COL21A1: variants seen among roughly 807,000 people sequenced by gnomAD.
The protein encoded by COL21A1 is collagen alpha-1(XXI) chain.
In COL21A1, 149 loss-of-function variants were observed where a neutral mutation model predicts 137.9. The ratio of observed to expected loss-of-function variants is 1.08; its 90% CI spans 0.95 to 1.24. COL21A1 has a LOEUF of 1.24. Ranked by LOEUF, COL21A1 falls within the 50% of genes most tolerant of loss-of-function variation. COL21A1 has a pLI of 0.00. For missense variants in COL21A1, 1,167 were observed against 1,158.4 expected, an observed-to-expected ratio of 1.01 and a Z score of -0.11; for synonymous variants, 456 against 391.5, an observed-to-expected ratio of 1.16 and a Z score of -1.95.
chr6:56,391,970 C>T (rs1354841026), intron 1 of COL21A1, among the ~76,000 whole-genome samples: 1 of 152,066 alleles, frequency 6.6e-6, no homozygotes, highest in Non-Finnish European at 1.5e-5. Context: ...AACTATTCCC[C>T]AAAATCAGGA....
At chr6:56,367,195 T>C (rs1766120601) in intron 1 of COL21A1, among the ~76,000 whole-genome samples, 1 of 152,234 alleles carries the variant, frequency 6.6e-6, no homozygotes, top group African/African-American at 2.4e-5. Context: ...ATATATAATA[T>C]ATGGGAAATC....
intron 1 of COL21A1, among the ~76,000 whole-genome samples, chr6:56,392,602 T>A (rs1040947175): frequency 1.3e-5 from 2 of 152,060 alleles, no homozygotes; most frequent in African/African-American, 4.8e-5. Context: ...ACCCTAAAGA[T>A]GACACCAAAA....
At chr6:56,100,407 G>A (rs1450023587) in intron 17 of COL21A1, among the ~76,000 whole-genome samples, 1 of 152,116 alleles carries the variant, frequency 6.6e-6, no homozygotes, top group African/African-American at 2.4e-5. Flanking sequence ...TCCTACGTAA[G>A]CTTCACAACA....
intron 1 of COL21A1, among the ~76,000 whole-genome samples, chr6:56,349,010 CT>C (rs1765654281): frequency 1.3e-5 from 2 of 152,180 alleles, no homozygotes; most frequent in African/African-American, 4.8e-5. Flanking sequence ...GTCTCTGTCA[CT>C]TAGGACAGAA....
intron 1 of COL21A1, among the ~76,000 whole-genome samples, chr6:56,313,106 T>C (rs190609041): frequency 2.4e-3 from 359 of 152,126 alleles, no homozygotes; most frequent in Non-Finnish European, 4.1e-3. Flanking sequence ...GAGGATGCAG[T>C]TTAGAGATAG....
chr6:56,166,768 T>C, intron 7 of COL21A1, 138 bp downstream of exon 7: 2 of 744,192 alleles, frequency 2.7e-6, no homozygotes, highest in East Asian at 2.7e-5. Flanking sequence ...TTGCTTCATG[T>C]AACTTCACTT....
At chr6:56,251,958 A>C (rs1185251349), upstream of COL21A1, among the ~76,000 whole-genome samples, 1 of 152,224 alleles carries the variant, frequency 6.6e-6, no homozygotes, top group East Asian at 1.9e-4. Flanking sequence ...TGATCACACT[A>C]ACTTCCTCAG....
At chr6:56,133,131 G>C (rs964583447) in intron 12 of COL21A1, among the ~76,000 whole-genome samples, 1 of 152,168 alleles carries the variant, frequency 6.6e-6, no homozygotes, top group Non-Finnish European at 1.5e-5. Context: ...AGTTTGGAGG[G>C]CTCAGAAGAA....
At chr6:56,130,761 G>A (rs1476125680) in intron 12 of COL21A1, among the ~76,000 whole-genome samples, 1 of 152,074 alleles carries the variant, frequency 6.6e-6, no homozygotes, top group Non-Finnish European at 1.5e-5. Flanking sequence ...ATCAGTGTGA[G>A]AGAGAGAGAA....
At chr6:56,268,105 T>C (rs915286288) in intron 1 of COL21A1, among the ~76,000 whole-genome samples, 5 of 152,076 alleles carry the variant, frequency 3.3e-5, no homozygotes, top group Admixed American at 2.0e-4. Flanking sequence ...AAGTGTCAAT[T>C]CAAGCGGAGA....
chr6:56,359,923 G>A (rs1765927446), intron 1 of COL21A1, among the ~76,000 whole-genome samples: 1 of 152,166 alleles, frequency 6.6e-6, no homozygotes, highest in Non-Finnish European at 1.5e-5. Flanking sequence ...AAGAGTCATT[G>A]CAAACTGTGG....
At chr6:56,284,854 T>C (rs1241616395) in intron 1 of COL21A1, among the ~76,000 whole-genome samples, 1 of 152,206 alleles carries the variant, frequency 6.6e-6, no homozygotes, top group Non-Finnish European at 1.5e-5. Context: ...TTTGCTTTTC[T>C]GACTTCCTGG....
intron 1 of COL21A1, among the ~76,000 whole-genome samples, chr6:56,311,054 T>G (rs1562050510): frequency 1.3e-5 from 2 of 152,298 alleles, no homozygotes; most frequent in South Asian, 2.1e-4. Flanking sequence ...ATAACAAGTA[T>G]TTAGCAGTGC....
chr6:56,289,797 T>C (rs1408153524), intron 1 of COL21A1, among the ~76,000 whole-genome samples: 1 of 152,030 alleles, frequency 6.6e-6, no homozygotes, highest in Non-Finnish European at 1.5e-5. Context: ...TTAGGTTAAA[T>C]GAAGGTTGCC....
At position 56,141,918 on chromosome 6, in the gene COL21A1, T is replaced by C; in HGVS notation, c.1488+12A>G. 1 of 1,560,594 alleles carries C rather than the reference T, an allele frequency of 6.4e-7. No individual in the cohort carries two copies. Among genetic ancestry groups the C allele is most frequent in the South Asian group, 1.2e-5 (1 of 85,556 alleles). On this transcript the variant is annotated intron_variant, in intron 11 of 29. Transcript: ENST00000244728. ...ATAAAATTTATAAAATGTATATAAG[T>C]GGATCACATACTTGTATTCCTGGAG...
chr6:56,073,753 C>G (rs1327670864), intron 20 of COL21A1, among the ~76,000 whole-genome samples: 3 of 151,420 alleles, frequency 2.0e-5, no homozygotes, highest in Non-Finnish European at 4.4e-5. Context: ...TTAAGCTTGC[C>G]TTACTTATTT....
At chr6:56,161,354 C>T (rs534530475) in intron 9 of COL21A1, among the ~76,000 whole-genome samples, 1 of 152,122 alleles carries the variant, frequency 6.6e-6, no homozygotes, top group Non-Finnish European at 1.5e-5. Flanking sequence ...CCTCTGGCTA[C>T]TGAAGCAGGG....
At chr6:56,099,587 C>G (rs765719654) in intron 17 of COL21A1, among the ~76,000 whole-genome samples, 3 of 151,782 alleles carry the variant, frequency 2.0e-5, no homozygotes, top group Non-Finnish European at 4.4e-5. Flanking sequence ...TCTTATTTCC[C>G]TCTTCCTCTT....
At chr6:56,237,074 C>A (rs531781740) in intron 1 of COL21A1, among the ~76,000 whole-genome samples, 26 of 151,936 alleles carry the variant, frequency 1.7e-4, no homozygotes, top group African/African-American at 6.0e-4. Flanking sequence ...CCTGTTTTTA[C>A]GTGAGAACCT....
Sources: gnomAD v4.1 joint callset for allele counts (sites outside exome capture counted in the v4.1 genomes callset) on GRCh38, gnomAD v4.1.1 for gene constraint, MANE v1.5 for transcripts, NCBI Gene and HGNC (gene_info 2026-07-23, HGNC 2026-07-21) for gene names.